Variants in PIAS3 observed in about 807,000 individuals in gnomAD.
PIAS3 encodes protein inhibitor of activated STAT 3, also known as E3 SUMO-protein ligase PIAS3.
Under a neutral mutation model 67.6 loss-of-function variants are expected in PIAS3, and 34 were observed. That is an observed-to-expected ratio of 0.50 (90% CI 0.38 to 0.67). PIAS3 has a LOEUF of 0.67. PIAS3 is among the 30% of genes least tolerant of loss of function. PIAS3 has a pLI of 0.00. For synonymous variants in PIAS3, 341 were observed against 313.8 expected (o/e 1.09, Z -0.92); for missense variants, 693 against 791.6 (o/e 0.88, Z 1.49).
At chr1:145,854,299 G>T (rs1170701103) in intron 7 of PIAS3, 159 bp downstream of exon 7, 2 of 622,276 alleles carry the variant, frequency 3.2e-6, no homozygotes, top group Non-Finnish European at 5.7e-6. Flanking sequence ...CAACTATAAA[G>T]ACTGGAAGAC....
Position 145,855,830 on chromosome 1 carries a change from G to A in PIAS3, c.579-4C>T, listed in dbSNP as rs781963298. 3 of 1,558,012 alleles carry A rather than the reference G, an allele frequency of 1.9e-6. No individual in the cohort carries two copies. Among genetic ancestry groups the A allele is most frequent in the African/African-American group, 2.7e-5 (2 of 73,886 alleles). On this transcript the variant is annotated splice_polypyrimidine_tract_variant and splice_region_variant and intron_variant, in intron 4 of 13. Transcript: ENST00000393045. ...GCTGGTCTCACAGAGACAGAACCTG[G>A]TAAGAGATGAGAAAGGAAGAAAGAG... is the stretch of plus-strand genomic sequence containing the variant.
In PIAS3 at chr1:145,850,603, G is replaced by C; in HGVS notation, c.1449-17C>G. On this transcript the variant is annotated splice_polypyrimidine_tract_variant and intron_variant, in intron 11 of 13. Coordinates refer to ENST00000393045, the MANE Select transcript of PIAS3 (RefSeq NM_006099.3). ...GTCAGGACTCTGTGGGTAGAGAGGA[G>C]CTGAGGCAGCCAGCAAACCACAGAT... The C allele has an allele frequency of 6.2e-7, 1 of 1,611,120 alleles. No individual in the cohort carries two copies. The highest frequency in any genetic ancestry group is 8.5e-7 in the Non-Finnish European group (1 of 1,177,654).
chr1:145,856,013 T>G, intron 4 of PIAS3, 55 bp downstream of exon 4: 1 of 1,410,116 alleles, frequency 7.1e-7, no homozygotes, highest in Non-Finnish European at 1.0e-6. Flanking sequence ...GTCATACCCC[T>G]ACTTCACTCC....
intron 9 of PIAS3, chr1:145,851,495 A>G (rs1652962559): frequency 4.1e-6 from 1 of 244,686 alleles, no homozygotes; most frequent in Non-Finnish European, 8.1e-6. Flanking sequence ...ATCTCTACTA[A>G]AAATACAAAA....
intron 12 of PIAS3, 62 bp from the exon 13 acceptor site, chr1:145,850,331 A>C: frequency 6.2e-7 from 1 of 1,613,710 alleles, no homozygotes; most frequent in South Asian, 1.1e-5. Flanking sequence ...CCAAAAGACA[A>C]AGCACTGTGG....
chr1:145,854,902 C>A, intron 5 of PIAS3, 22 bp from the exon 6 acceptor site: 1 of 1,613,598 alleles, frequency 6.2e-7, no homozygotes, highest in South Asian at 1.1e-5. Flanking sequence ...AGGGATTGGT[C>A]AGTGGAGAAG....
At position 145,849,905 on chromosome 1, in the gene PIAS3, T is replaced by A. The variant is rs1652885205; in HGVS notation, c.1621-193A>T. 3 of 1,439,374 alleles carry A rather than the reference T, an allele frequency of 2.1e-6. No homozygotes were observed. The East Asian group carries it at 7.3e-5, about 35-fold the overall frequency. 89.2% of individuals were successfully genotyped at this position (1,439,374 alleles called of 1,614,324 possible). On this transcript the variant is annotated intron_variant, in intron 13 of 13. Transcript: ENST00000393045. ...TCCCCTTTCCCTGCCTTGAGAGAGCTCCTCCAACTTGTTAGGTTCTTGGCT... is the reference window on the plus strand; with the variant it reads ...TCCCCTTTCCCTGCCTTGAGAGAGCACCTCCAACTTGTTAGGTTCTTGGCT...
intron 9 of PIAS3, among the ~76,000 whole-genome samples, chr1:145,851,528 T>C (rs1400400896): frequency 6.6e-6 from 1 of 150,762 alleles, no homozygotes; most frequent in Non-Finnish European, 1.5e-5. Flanking sequence ...TGGTGGCACA[T>C]GCCTATAATC....
chr1:145,849,568 G>A lies in PIAS3; in HGVS notation c.1765C>T (p.Pro589Ser), dbSNP rs375544844. Reference sequence around the variant, plus strand: ...ACAATGCTGCTGACACGGCCAGGAGGGGGCGCCGGAGTGGCGCTGCAGTGG... The same window carrying A: ...ACAATGCTGCTGACACGGCCAGGAGAGGGCGCCGGAGTGGCGCTGCAGTGG... The part of the protein sequence containing the change: ...SSHCSATPAP[P>S]PGRVSSIVAP... Residue 589 changes from proline to serine, a missense_variant, in exon 14 of 14, where the codon CCT becomes TCT. This residue lies in a region of PIAS3 where 270 missense variants were observed against 261.0 expected (regional missense o/e 1.03). Transcript: ENST00000393045. 1.9e-6 allele frequency: 3 copies of A among 1,609,334 alleles called. No individual in the cohort carries two copies. The highest frequency in any genetic ancestry group is 1.1e-5 in the South Asian group (1 of 90,320).
intron 6 of PIAS3, 33 bp from the exon 7 acceptor site, chr1:145,854,596 C>T: frequency 6.3e-7 from 1 of 1,581,404 alleles, no homozygotes; most frequent in Non-Finnish European, 8.7e-7. Flanking sequence ...CAATTAGCCT[C>T]TGCTTCTCAT....
In PIAS3 at chr1:145,849,430, C is replaced by T. The variant is rs781849869; in HGVS notation, c.*16G>A. The T allele has an allele frequency of 4.1e-6, 6 of 1,480,894 alleles. No individual in the cohort carries two copies. Among genetic ancestry groups the T allele is most frequent in the Non-Finnish European group, 4.5e-6 (5 of 1,120,978 alleles). The allele number at this position is 1,480,894 out of a possible 1,614,324, so 91.7% of individuals were successfully genotyped here. A position where few individuals can be genotyped will look rare whatever the true frequency, so the allele number is the denominator to read the frequency against. On this transcript the variant is annotated 3_prime_UTR_variant, in exon 14 of 14. Transcript: ENST00000393045. ...TCAGTGTTGGGGGACAGCGAAGTTT[C>T]CATAATCCAGGGAACTCAGTCCAGG...
intron 11 of PIAS3, 83 bp downstream of exon 11, chr1:145,850,688 C>G (rs782561791): frequency 6.3e-7 from 1 of 1,596,072 alleles, no homozygotes; most frequent in Non-Finnish European, 8.6e-7. Context: ...TTCTCTTGCC[C>G]CAGGCTTTGT....
chr1:145,853,947 G>C (rs1403465816), intron 7 of PIAS3, 61 bp from the exon 8 acceptor site: 6 of 1,455,434 alleles, frequency 4.1e-6, no homozygotes, highest in Non-Finnish European at 5.8e-6. Flanking sequence ...CCCAGGAGTT[G>C]GTAAGGCCAG....
In PIAS3 at chr1:145,849,380, G is replaced by C. The variant is rs1652860327; in HGVS notation, c.*66C>G. 1 of 1,424,380 alleles carries C rather than the reference G, an allele frequency of 7.0e-7. No individual in the cohort carries two copies. The allele number at this position is 1,424,380 out of a possible 1,614,324, so 88.2% of individuals were successfully genotyped here. A position where few individuals can be genotyped will look rare whatever the true frequency, so the allele number is the denominator to read the frequency against. On this transcript the variant is annotated 3_prime_UTR_variant, in exon 14 of 14. Transcript: ENST00000393045. ...CCCCCAGAGGGATCAGAGTAGCTGG[G>C]GTTGGGACTCCACAGCATACTTGCT...
rs149603416 is a variant in PIAS3 at position 145,854,620 on chromosome 1, A to C, written c.805-57T>G. 5.9e-5 allele frequency: 92 copies of C among 1,572,024 alleles called. No homozygotes were observed. The East Asian group carries it at 2.0e-3, about 34-fold the overall frequency. On this transcript the variant is annotated intron_variant, in intron 6 of 13. Coordinates refer to ENST00000393045, the MANE Select transcript of PIAS3 (RefSeq NM_006099.3). ...TCTGCTTCTCATACCACCACTGCCC[A>C]CTTTTGTTCCATGAGGACCAGAGAC...
intron 1 of PIAS3, among the ~76,000 whole-genome samples, chr1:145,857,848 C>A (rs1419913729): frequency 2.0e-5 from 3 of 152,138 alleles, no homozygotes; most frequent in African/African-American, 7.2e-5. Context: ...ACAGCGCCCC[C>A]CTATAGGGGT....
intron 9 of PIAS3, 80 bp downstream of exon 9, chr1:145,853,418 AAAAAAG>A: frequency 8.4e-7 from 1 of 1,186,442 alleles, no homozygotes. Flanking sequence ...TCAAAAAAAA[AAAAAAG>A]AAAAGAAAAA....
rs782119193 is a variant in PIAS3, at chr1:145,856,752, T to C, written c.279A>G (p.Leu93=). The change falls in exon 2 of 14, where the codon CTA becomes CTG. Residue 93 remains leucine (L), a synonymous_variant. Transcript: ENST00000393045. The stretch of plus-strand genomic sequence containing the variant: ...CCAACAGCGTTGGGGGAATGGGAGC[T>C]AGAGGACCAGGGGAGCCTACAGGAG... ...GTSPVGSPGP[L]APIPPTLLAP... is the part of the protein sequence containing the mutation. 12 of 1,613,698 alleles carry C rather than the reference T, an allele frequency of 7.4e-6. No homozygotes were observed. The highest frequency in any genetic ancestry group is 9.3e-6 in the Non-Finnish European group (11 of 1,179,926).
At chr1:145,852,174 C>G (rs1347979857) in intron 9 of PIAS3, among the ~76,000 whole-genome samples, 1 of 152,150 alleles carries the variant, frequency 6.6e-6, no homozygotes, top group Non-Finnish European at 1.5e-5. Flanking sequence ...GGGAGGATCA[C>G]TTGAGGCCAG....
Sources: allele counts gnomAD v4.1 joint callset (sites outside exome capture counted in the v4.1 genomes callset), GRCh38; gene constraint gnomAD v4.1.1; regional missense constraint gnomAD v4.1.1; transcripts MANE v1.5; gene names NCBI Gene and HGNC (gene_info 2026-07-23, HGNC 2026-07-21).